CCDC91: variants seen among roughly 807,000 people sequenced by gnomAD.
CCDC91 encodes the protein coiled-coil domain containing 91, also known as coiled-coil domain-containing protein 91.
In CCDC91, 48 loss-of-function variants were observed where a neutral mutation model predicts 63.2. The ratio of observed to expected loss-of-function variants is 0.76; its 90% confidence interval spans 0.60 to 0.97. The LOEUF is 0.97. Ranked by LOEUF, CCDC91 falls within the 50% of genes least tolerant of loss-of-function variation. CCDC91 has a pLI of 0.00. For synonymous variants in CCDC91, 167 were observed against 165.8 expected, an observed-to-expected ratio of 1.01 and a Z score of -0.06; for missense variants, 500 against 494.6, an observed-to-expected ratio of 1.01 and a Z score of -0.10.
intron 8 of CCDC91, among the ~76,000 whole-genome samples, chr12:28,392,006 A>C (rs777947194): frequency 9.9e-5 from 15 of 152,154 alleles, no homozygotes; most frequent in Non-Finnish European, 1.9e-4. Context: ...CTTCATATAG[A>C]GCATCTGTGT....
intron 6 of CCDC91, among the ~76,000 whole-genome samples, chr12:28,328,685 A>G (rs545433405): frequency 1.7e-4 from 26 of 152,298 alleles, no homozygotes; most frequent in Middle Eastern, 6.8e-3. Context: ...GTCCATAATG[A>G]TGTTCTGTTG....
intron 8 of CCDC91, among the ~76,000 whole-genome samples, chr12:28,395,597 C>T (rs1051758241): frequency 6.6e-6 from 1 of 152,076 alleles, no homozygotes; most frequent in African/African-American, 2.4e-5. Flanking sequence ...GGAAGAAATA[C>T]ATAGGACAAG....
intron 3 of CCDC91, among the ~76,000 whole-genome samples, chr12:28,271,922 T>TTA (rs1247242033): frequency 2.0e-5 from 3 of 149,042 alleles, no homozygotes; most frequent in Middle Eastern, 3.3e-3. Flanking sequence ...AATATAGATA[T>TTA]TATATATATA....
intron 8 of CCDC91, among the ~76,000 whole-genome samples, chr12:28,392,458 T>TA (rs1261083314): frequency 6.6e-6 from 1 of 152,220 alleles, no homozygotes; most frequent in Admixed American, 6.5e-5. Context: ...CATTACCTGA[T>TA]ACAATTTCGA....
intron 8 of CCDC91, among the ~76,000 whole-genome samples, chr12:28,449,051 T>C (rs748196676): frequency 2.6e-5 from 4 of 152,106 alleles, no homozygotes; most frequent in Non-Finnish European, 5.9e-5. Context: ...ATGTAATGAT[T>C]TGTATCACAG....
intron 11 of CCDC91, among the ~76,000 whole-genome samples, chr12:28,467,705 A>T (rs1460340899): frequency 6.6e-6 from 1 of 152,082 alleles, no homozygotes; most frequent in East Asian, 1.9e-4. Context: ...GACCATATTT[A>T]AAAAGTACAA....
intron 7 of CCDC91, among the ~76,000 whole-genome samples, chr12:28,367,076 A>G (rs1316169110): frequency 3.3e-5 from 5 of 152,200 alleles, no homozygotes; most frequent in Non-Finnish European, 7.3e-5. Flanking sequence ...TATAATACTC[A>G]TATCAGGAAC....
At chr12:28,475,535 G>C (rs1281831336) in intron 11 of CCDC91, among the ~76,000 whole-genome samples, 2 of 152,000 alleles carry the variant, frequency 1.3e-5, no homozygotes, top group African/African-American at 4.8e-5. Context: ...AATTAACTTT[G>C]GCCTTGATTG....
intron 12 of CCDC91, among the ~76,000 whole-genome samples, chr12:28,486,737 TA>T (rs1951747784): frequency 6.6e-6 from 1 of 152,074 alleles, no homozygotes; most frequent in South Asian, 2.1e-4. Flanking sequence ...CAAATCATAC[TA>T]AAGGCCTAGT....
chr12:28,217,120 T>C (rs1021070219), intron 1 of CCDC91, among the ~76,000 whole-genome samples: 3 of 152,120 alleles, frequency 2.0e-5, no homozygotes, highest in Non-Finnish European at 4.4e-5. Flanking sequence ...CGGCCCGAAC[T>C]AATCTCTTAA....
chr12:28,406,366 A>G (rs1946946560), intron 8 of CCDC91, among the ~76,000 whole-genome samples: 1 of 151,760 alleles, frequency 6.6e-6, no homozygotes, highest in Non-Finnish European at 1.5e-5. Context: ...TTTTTCTTGG[A>G]TAAGTTATTA....
intron 6 of CCDC91, among the ~76,000 whole-genome samples, chr12:28,321,530 C>T (rs1419051806): frequency 6.6e-6 from 1 of 151,730 alleles, no homozygotes; most frequent in East Asian, 1.9e-4. Context: ...GGAGATGAGG[C>T]CTTTGGGAGT....
intron 12 of CCDC91, among the ~76,000 whole-genome samples, chr12:28,542,137 T>C (rs1223326005): frequency 1.3e-5 from 2 of 152,104 alleles, no homozygotes; most frequent in Admixed American, 6.6e-5. Flanking sequence ...TCTGCCCAGA[T>C]GATTTCTTGA....
intron 1 of CCDC91, among the ~76,000 whole-genome samples, chr12:28,221,436 T>C (rs930280273): frequency 2.0e-5 from 3 of 152,250 alleles, no homozygotes; most frequent in Non-Finnish European, 4.4e-5. Context: ...TATATGACTG[T>C]TATTTCTTTA....
At chr12:28,410,232 A>G (rs990929198) in intron 8 of CCDC91, among the ~76,000 whole-genome samples, 11 of 152,146 alleles carry the variant, frequency 7.2e-5, no homozygotes, top group African/African-American at 2.7e-4. Flanking sequence ...ATTTAGGATT[A>G]TGATGTCTTC....
At chr12:28,414,270 G>T (rs1334708912) in intron 8 of CCDC91, among the ~76,000 whole-genome samples, 1 of 152,022 alleles carries the variant, frequency 6.6e-6, no homozygotes, top group Admixed American at 6.6e-5. Context: ...AAAAAGTTGA[G>T]AAATATTGTA....
chr12:28,347,169 C>T (rs570676475), intron 6 of CCDC91, among the ~76,000 whole-genome samples: 2 of 152,300 alleles, frequency 1.3e-5, no homozygotes, highest in East Asian at 1.9e-4. Flanking sequence ...AGGCCATTCA[C>T]GTTTGCAGAT....
chr12:28,340,831 C>G (rs557458087), intron 6 of CCDC91, among the ~76,000 whole-genome samples: 1 of 152,110 alleles, frequency 6.6e-6, no homozygotes, highest in East Asian at 1.9e-4. Flanking sequence ...TAATTAGACC[C>G]CCTGCCTATG....
chr12:28,452,140 T>C (rs912082550), intron 10 of CCDC91, among the ~76,000 whole-genome samples: 4 of 151,600 alleles, frequency 2.6e-5, no homozygotes, highest in Middle Eastern at 3.4e-3. Flanking sequence ...TATGTATTAA[T>C]ACATATGATC....
Sources: allele counts gnomAD v4.1 joint callset (sites outside exome capture counted in the v4.1 genomes callset), GRCh38; gene constraint gnomAD v4.1.1; transcripts MANE v1.5; gene names NCBI Gene and HGNC (gene_info 2026-07-23, HGNC 2026-07-21).